The following SLC45A2 variants were observed in gnomAD, a reference collection of about 807,000 sequenced individuals.
The protein encoded by SLC45A2 is solute carrier family 45 member 2.
SLC45A2 carries 36 observed loss-of-function variants against 45.5 expected under a neutral mutation model. The ratio of observed to expected loss-of-function variants is 0.79; its 90% confidence interval spans 0.61 to 1.04. The LOEUF is 1.04. Ranked by LOEUF, SLC45A2 falls within the 50% of genes least tolerant of loss-of-function variation. The pLI, the probability that SLC45A2 is intolerant of heterozygous loss-of-function variation, is 0.00. For synonymous variants in SLC45A2, 306 were observed against 269.3 expected, an observed-to-expected ratio of 1.14 and a Z score of -1.33; for missense variants, 719 against 671.0, an observed-to-expected ratio of 1.07 and a Z score of -0.79.
intron 6 of SLC45A2, chr5:33,945,955 AGTAAATG>A (rs1168068132): frequency 1.0e-6 from 1 of 985,164 alleles, no homozygotes; most frequent in African/African-American, 1.7e-5. Context: ...GGAGGGAGAT[AGTAAATG>A]GTAAAGGGAG....
chr5:33,983,324 A>G (rs1252569923), intron 1 of SLC45A2, among the ~76,000 whole-genome samples: 1 of 152,212 alleles, frequency 6.6e-6, no homozygotes, highest in African/African-American at 2.4e-5. Flanking sequence ...CATAGATTAT[A>G]TACACGTTTT....
intron 1 of SLC45A2, among the ~76,000 whole-genome samples, chr5:33,983,045 C>T (rs1457029307): frequency 6.6e-6 from 1 of 152,198 alleles, no homozygotes; most frequent in African/African-American, 2.4e-5. Flanking sequence ...CCCCATTTCC[C>T]AAGACTCTGA....
At chr5:33,966,488 C>A (rs1334327955) in intron 2 of SLC45A2, among the ~76,000 whole-genome samples, 1 of 135,066 alleles carries the variant, frequency 7.4e-6, no homozygotes, top group Admixed American at 8.5e-5. Context: ...GGCCGGACTG[C>A]GGACTGCAGT....
intron 6 of SLC45A2, chr5:33,946,548 C>T (rs961181524): frequency 7.1e-6 from 7 of 989,826 alleles, no homozygotes; most frequent in East Asian, 2.2e-4. Context: ...ACTGCATAGG[C>T]GCTTGTTCAC....
intron 6 of SLC45A2, chr5:33,946,267 CT>C: frequency 4.1e-6 from 4 of 985,430 alleles, no homozygotes; most frequent in Non-Finnish European, 4.8e-6. Context: ...AGCCACACCT[CT>C]TTTTTGAAAG....
chr5:33,971,687 C>T (rs981734894), intron 2 of SLC45A2, among the ~76,000 whole-genome samples: 7 of 152,082 alleles, frequency 4.6e-5, no homozygotes, highest in Non-Finnish European at 7.4e-5. Flanking sequence ...AGTGCAGTGG[C>T]GTGATCTTGG....
intron 5 of SLC45A2, among the ~76,000 whole-genome samples, chr5:33,949,951 G>T (rs922473638): frequency 1.3e-5 from 2 of 152,034 alleles, no homozygotes; most frequent in African/African-American, 2.4e-5. Flanking sequence ...ACTGTGGGAG[G>T]CTGAGACAGG....
rs143463707 is a variant in SLC45A2 at position 33,970,549 on chromosome 5, T to C, written c.563-6533A>G. ...CTCATGAACCACATCTTTGGTTAGC[T>C]GGTTGGCTGACTGGCTTGTTGGTTG... On this transcript the variant is annotated intron_variant, in intron 2 of 6. Coordinates refer to ENST00000296589, the MANE Select transcript of SLC45A2 (RefSeq NM_016180.5). Among the ~76,000 whole-genome samples the C allele has an allele frequency of 1.6e-3, 224 of 141,460 alleles. 1 individual carries two copies. The highest frequency in any genetic ancestry group is 5.7e-3 in the African/African-American group (213 of 37,290). The allele number at this position is 141,460 out of a possible 152,430, so 92.8% of individuals were successfully genotyped here.
intron 2 of SLC45A2, among the ~76,000 whole-genome samples, chr5:33,968,600 A>T (rs1752677118): frequency 6.6e-6 from 1 of 152,226 alleles, no homozygotes; most frequent in Non-Finnish European, 1.5e-5. Flanking sequence ...CCCATACTGG[A>T]AGAAGTCCAA....
intron 3 of SLC45A2, among the ~76,000 whole-genome samples, chr5:33,959,331 G>A (rs1273561981): frequency 1.3e-5 from 2 of 152,104 alleles, no homozygotes; most frequent in African/African-American, 2.4e-5. Flanking sequence ...TAGATATTCC[G>A]TGATTCTTTG....
intron 4 of SLC45A2, among the ~76,000 whole-genome samples, chr5:33,953,560 C>A (rs1482873090): frequency 7.3e-5 from 11 of 150,952 alleles, no homozygotes; most frequent in East Asian, 3.9e-4. Flanking sequence ...CTGAAGGAAG[C>A]GCTAAACATG....
At chr5:33,944,956 G>C in intron 6 of SLC45A2, 84 bp from the exon 7 acceptor site, 1 of 1,287,502 alleles carries the variant, frequency 7.8e-7, no homozygotes, top group Non-Finnish European at 1.1e-6. Flanking sequence ...TCTGTGACCA[G>C]CCAGATAGTA....
rs199766877 is a variant in SLC45A2 at position 33,982,351 on chromosome 5, G to A, written c.447C>T (p.Val149=). The part of the protein sequence containing the change: ...VWAISVTMIG[V]VLFDFAADFI... ...AGTCGGCAGCAAAATCAAAGAGAAC[G>A]ACACCTATCATGGTGACACTTATGG... The change falls in exon 2 of 7, where the codon GTC becomes GTT. Residue 149 remains valine (V), a synonymous_variant. Transcript: ENST00000296589. The A allele has an allele frequency of 1.1e-5, 18 of 1,614,076 alleles. No homozygotes were observed. The Admixed American group carries it at 1.5e-4, about 13-fold the overall frequency.
chr5:33,955,069 T>A (rs1752235516), intron 3 of SLC45A2, among the ~76,000 whole-genome samples: 1 of 152,180 alleles, frequency 6.6e-6, no homozygotes, highest in Admixed American at 6.5e-5. Context: ...CCAAATTCCA[T>A]GAGCCCTTGA....
intron 2 of SLC45A2, among the ~76,000 whole-genome samples, chr5:33,979,496 G>C (rs932033730): frequency 3.9e-5 from 6 of 152,008 alleles, no homozygotes; most frequent in Non-Finnish European, 8.8e-5. Context: ...TCCTAAATCA[G>C]GAAAATAACT....
At chr5:33,969,190 A>G (rs1319818192) in intron 2 of SLC45A2, among the ~76,000 whole-genome samples, 1 of 151,984 alleles carries the variant, frequency 6.6e-6, no homozygotes, top group East Asian at 1.9e-4. Context: ...ATCAATGAGC[A>G]AGACAGACAT....
chr5:33,968,292 T>C (rs1752665422), intron 2 of SLC45A2, among the ~76,000 whole-genome samples: 1 of 152,130 alleles, frequency 6.6e-6, no homozygotes, highest in Non-Finnish European at 1.5e-5. Flanking sequence ...AGGCTGATAG[T>C]TTTACCATTT....
intron 2 of SLC45A2, among the ~76,000 whole-genome samples, chr5:33,964,581 C>A (rs905969070): frequency 6.6e-6 from 1 of 152,076 alleles, no homozygotes; most frequent in Non-Finnish European, 1.5e-5. Flanking sequence ...GTACTTGTTC[C>A]CAGTTGATAG....
At chr5:33,962,866 CA>C (rs1317721121) in intron 3 of SLC45A2, among the ~76,000 whole-genome samples, 5 of 152,194 alleles carry the variant, frequency 3.3e-5, no homozygotes, top group African/African-American at 1.2e-4. Context: ...AACATTTTGT[CA>C]ATCAAGAAAT....
Sources: gnomAD v4.1 joint callset for allele counts (sites outside exome capture counted in the v4.1 genomes callset) on GRCh38, gnomAD v4.1.1 for gene constraint, MANE v1.5 for transcripts, NCBI Gene and HGNC (gene_info 2026-07-23, HGNC 2026-07-21) for gene names.